SRBD1: variants seen among roughly 807,000 people sequenced by gnomAD.
The protein encoded by SRBD1 is S1 RNA-binding domain-containing protein 1.
Under a neutral mutation model 115.3 loss-of-function variants are expected in SRBD1, and 88 were observed. The ratio of observed to expected loss-of-function variants is 0.76; its 90% CI spans 0.64 to 0.91. SRBD1 has a LOEUF of 0.91. SRBD1 is among the 40% of genes least tolerant of loss of function. The pLI is 0.00. For missense variants in SRBD1, 1,385 were observed against 1,177.4 expected (o/e 1.18, Z -2.58); for synonymous variants, 509 against 407.7 (o/e 1.25, Z -2.99).
intron 14 of SRBD1, among the ~76,000 whole-genome samples, chr2:45,506,358 A>C (rs537252557): frequency 1.7e-4 from 26 of 152,308 alleles, no homozygotes; most frequent in Middle Eastern, 3.4e-3. Context: ...GATAAAGCAC[A>C]AGCAGGAGCC....
At chr2:45,591,704 C>G (rs916896034) in intron 4 of SRBD1, among the ~76,000 whole-genome samples, 2 of 152,202 alleles carry the variant, frequency 1.3e-5, no homozygotes, top group South Asian at 2.1e-4. Flanking sequence ...GAGAGCCCCC[C>G]TCCCCAACTA....
chr2:45,416,766 T>G (rs1188530815), intron 18 of SRBD1, among the ~76,000 whole-genome samples: 1 of 152,148 alleles, frequency 6.6e-6, no homozygotes, highest in Non-Finnish European at 1.5e-5. Flanking sequence ...GTGAGTTTTT[T>G]GGTGTTTTTT....
In SRBD1 at chr2:45,551,196, G is replaced by A. The variant is rs773775417; in HGVS notation, c.1604C>T (p.Pro535Leu). The A allele has an allele frequency of 2.5e-6, 4 of 1,612,980 alleles. No individual in the cohort carries two copies. In the South Asian group the frequency reaches 4.4e-5, roughly 18 times the overall value. ...ATCCACTCCCATTAAGGTGCGCCCT[G>A]GAACAGGGCTTGTTAAAAGGAGCTG... ...LRQLLLTSPV[P>L]GRTLMGVDPG... Residue 535 changes from proline to leucine, a missense_variant, in exon 12 of 21, where the codon CCA (proline) becomes CTA (leucine). By Grantham distance (98) the Pro-to-Leu change is moderately conservative (BLOSUM62 -3). Coordinates refer to ENST00000263736, the MANE Select transcript of SRBD1 (RefSeq NM_018079.5).
chr2:45,425,691 A>T (rs1221310871), intron 16 of SRBD1, among the ~76,000 whole-genome samples: 2 of 151,982 alleles, frequency 1.3e-5, no homozygotes, highest in African/African-American at 2.4e-5. Context: ...TGGAAAGCGC[A>T]AGGAGTCAGG....
At chr2:45,474,762 T>C (rs1669755514) in intron 16 of SRBD1, among the ~76,000 whole-genome samples, 1 of 152,216 alleles carries the variant, frequency 6.6e-6, no homozygotes, top group Non-Finnish European at 1.5e-5. Flanking sequence ...CCATGCTTAG[T>C]ATCTGTCAGG....
intron 16 of SRBD1, among the ~76,000 whole-genome samples, chr2:45,436,248 C>T (rs1026313235): frequency 2.0e-5 from 3 of 152,090 alleles, no homozygotes; most frequent in African/African-American, 4.8e-5. Context: ...TAAGAACAAA[C>T]GGGAAACATC....
chr2:45,536,992 ATACTT>A (rs1383745971), intron 14 of SRBD1, among the ~76,000 whole-genome samples: 1 of 152,210 alleles, frequency 6.6e-6, no homozygotes, highest in Non-Finnish European at 1.5e-5. Flanking sequence ...TCATGAGACA[ATACTT>A]AGCTTACTGC....
At chr2:45,524,964 T>A (rs1671396506) in intron 14 of SRBD1, among the ~76,000 whole-genome samples, 1 of 151,992 alleles carries the variant, frequency 6.6e-6, no homozygotes, top group Non-Finnish European at 1.5e-5. Context: ...GAAACAGGAC[T>A]GAGAGTTTAC....
intron 5 of SRBD1, among the ~76,000 whole-genome samples, chr2:45,582,380 A>G (rs1325415589): frequency 6.6e-6 from 1 of 152,182 alleles, no homozygotes; most frequent in Non-Finnish European, 1.5e-5. Context: ...TAGGTGACAA[A>G]TGATTTTGAT....
chr2:45,484,915 C>G (rs895774607), intron 15 of SRBD1, among the ~76,000 whole-genome samples: 5 of 152,178 alleles, frequency 3.3e-5, no homozygotes, highest in African/African-American at 7.2e-5. Flanking sequence ...GTAGCATGTA[C>G]CAGTACTTCA....
At chr2:45,560,511 T>C (rs1411978419) in intron 10 of SRBD1, among the ~76,000 whole-genome samples, 1 of 152,230 alleles carries the variant, frequency 6.6e-6, no homozygotes, top group Non-Finnish European at 1.5e-5. Context: ...ACGTAGATTA[T>C]CATTTAATTC....
At chr2:45,444,445 T>C (rs1388614888) in intron 16 of SRBD1, among the ~76,000 whole-genome samples, 1 of 152,206 alleles carries the variant, frequency 6.6e-6, no homozygotes, top group African/African-American at 2.4e-5. Flanking sequence ...CTGTATACAC[T>C]TGGGTGAAGG....
chr2:45,513,766 A>C (rs780006215), intron 14 of SRBD1, among the ~76,000 whole-genome samples: 4 of 148,122 alleles, frequency 2.7e-5, no homozygotes, highest in Non-Finnish European at 5.9e-5. Flanking sequence ...CTGAATGTAA[A>C]TTCGGTCTTG....
At position 45,534,104 on chromosome 2, in the gene SRBD1, T is replaced by A. The variant is rs1310545410; in HGVS notation, c.1874+12628A>T. On this transcript the variant is annotated intron_variant, in intron 14 of 20. Coordinates refer to ENST00000263736, the MANE Select transcript of SRBD1 (RefSeq NM_018079.5). ...GGGTTACAAAACTGGTAAAACATTT[T>A]ATTTTGATCAAAAACAGTCAAACTG... Among the ~76,000 whole-genome samples the A allele has an allele frequency of 2.0e-5, 3 of 152,004 alleles. 1 individual carries two copies. Among genetic ancestry groups the A allele is most frequent in the East Asian group, 1.9e-4 (1 of 5,204 alleles).
At chr2:45,534,070 A>C (rs117978887) in intron 14 of SRBD1, among the ~76,000 whole-genome samples, 2 of 152,126 alleles carry the variant, frequency 1.3e-5, no homozygotes, top group East Asian at 3.9e-4. Context: ...TACGAACACA[A>C]AAACACATGG....
At chr2:45,538,166 C>G (rs1671823542) in intron 14 of SRBD1, among the ~76,000 whole-genome samples, 1 of 152,204 alleles carries the variant, frequency 6.6e-6, no homozygotes, top group Non-Finnish European at 1.5e-5. Context: ...TCAGCTACAT[C>G]ACAGCTTCCT....
At chr2:45,423,468 C>T (rs532230846) in intron 16 of SRBD1, among the ~76,000 whole-genome samples, 1 of 152,050 alleles carries the variant, frequency 6.6e-6, no homozygotes, top group Non-Finnish European at 1.5e-5. Context: ...AAAAAATGGA[C>T]AAATTACTAA....
chr2:45,566,525 T>A (rs983638861), intron 9 of SRBD1, among the ~76,000 whole-genome samples: 1 of 152,186 alleles, frequency 6.6e-6, no homozygotes, highest in African/African-American at 2.4e-5. Context: ...AGATAGAAAG[T>A]TGGCTGCCTA....
At chr2:45,461,345 A>C (rs866119480) in intron 16 of SRBD1, among the ~76,000 whole-genome samples, 1 of 152,180 alleles carries the variant, frequency 6.6e-6, no homozygotes. Flanking sequence ...GGTACTTGGC[A>C]CATCTGGAAA....
Sources: gnomAD v4.1 joint callset for allele counts (sites outside exome capture counted in the v4.1 genomes callset) on GRCh38, gnomAD v4.1.1 for gene constraint, MANE v1.5 for transcripts, NCBI Gene and HGNC (gene_info 2026-07-23, HGNC 2026-07-21) for gene names.